DDX27: variants seen among roughly 807,000 people sequenced by gnomAD.
DDX27 encodes the protein probable ATP-dependent RNA helicase DDX27.
DDX27 carries 42 observed loss-of-function variants against 99.3 expected under a neutral mutation model. The observed-to-expected ratio is 0.42, with a 90% confidence interval of 0.33 to 0.55. The LOEUF is 0.55. DDX27 is among the 20% of genes least tolerant of loss of function. DDX27 has a pLI of 0.07. For missense variants in DDX27, 798 were observed against 976.8 expected (o/e 0.82, Z 2.44); for synonymous variants, 329 against 353.8 (o/e 0.93, Z 0.79).
intron 14 of DDX27, chr20:49,238,555 C>T (rs910920974): frequency 1.2e-4 from 22 of 184,116 alleles, no homozygotes; most frequent in Non-Finnish European, 1.8e-4. Flanking sequence ...GCCTCCGCCT[C>T]GTGGGTTCAA....
chr20:49,234,406 G>A (rs2146716171), intron 11 of DDX27: 1 of 152,760 alleles, frequency 6.5e-6, no homozygotes, highest in African/African-American at 2.4e-5. Context: ...TGGGATTACA[G>A]GCACTTGCCA....
intron 16 of DDX27, chr20:49,241,670 T>C: frequency 1.7e-6 from 1 of 604,642 alleles, no homozygotes; most frequent in Non-Finnish European, 3.0e-6. Context: ...GGTTTCACCA[T>C]GTTGGCCATG....
intron 8 of DDX27, 117 bp downstream of exon 8, chr20:49,229,005 T>C: frequency 1.1e-6 from 1 of 880,668 alleles, no homozygotes; most frequent in Non-Finnish European, 1.6e-6. Flanking sequence ...TTTGTGTTGA[T>C]TGAATCCACT....
Position 49,225,147 on chromosome 20 carries a change from A to G in DDX27, c.548A>G (p.Tyr183Cys). The change falls in exon 6 of 21, where the codon TAC (tyrosine) becomes TGC (cysteine). Residue 183 changes from tyrosine to cysteine, a missense_variant. Physicochemically the swap from Tyr to Cys is radical, Grantham distance 194. Around this residue, in one of 2 missense-constraint regions of DDX27, gnomAD observed 245 missense variants for 248.8 expected, o/e 0.98. Coordinates refer to ENST00000618172, the MANE Select transcript of DDX27 (RefSeq NM_017895.8). The stretch of plus-strand genomic sequence containing the variant: ...GGATTTTTTGAAGATGCATCTCAGT[A>G]CGATGAAAACCTCTCGTTCCAGGAC... ...AGGFFEDASQ[Y>C]DENLSFQDMN... The G allele has an allele frequency of 6.2e-7, 1 of 1,614,106 alleles. No homozygotes were observed. The highest frequency in any genetic ancestry group is 8.5e-7 in the Non-Finnish European group (1 of 1,179,986).
chr20:49,231,324 C>T (rs1392703274), intron 9 of DDX27, among the ~76,000 whole-genome samples: 1 of 152,142 alleles, frequency 6.6e-6, no homozygotes, highest in Non-Finnish European at 1.5e-5. Flanking sequence ...ATAGCAGGCG[C>T]TCAGTAAATA....
intron 12 of DDX27, 26 bp downstream of exon 12, chr20:49,235,114 CT>C: frequency 6.4e-7 from 1 of 1,564,924 alleles, no homozygotes; most frequent in Non-Finnish European, 8.7e-7. Flanking sequence ...GGGACTGAGG[CT>C]CCCACCATCC....
At chr20:49,228,078 A>G (rs1218519060) in intron 7 of DDX27, among the ~76,000 whole-genome samples, 1 of 147,734 alleles carries the variant, frequency 6.8e-6, no homozygotes, top group Non-Finnish European at 1.5e-5. Flanking sequence ...TGACCTCATG[A>G]TCCACCTGCC....
intron 1 of DDX27, among the ~76,000 whole-genome samples, chr20:49,219,828 A>G (rs1481622531): frequency 6.6e-6 from 1 of 151,632 alleles, no homozygotes; most frequent in Admixed American, 6.6e-5. Flanking sequence ...GGTTTCTTAC[A>G]CCTTGTAAGA....
At chr20:49,225,694 AT>A (rs1422788626) in intron 6 of DDX27, among the ~76,000 whole-genome samples, 1 of 151,876 alleles carries the variant, frequency 6.6e-6, no homozygotes, top group Admixed American at 6.6e-5. Flanking sequence ...TGACCTCGTG[AT>A]CCGCCCGCCT....
At chr20:49,223,913 C>G (rs1281645303) in intron 4 of DDX27, among the ~76,000 whole-genome samples, 1 of 152,082 alleles carries the variant, frequency 6.6e-6, no homozygotes, top group Non-Finnish European at 1.5e-5. Context: ...TGGTCTCACT[C>G]CATCCACAGG....
At chr20:49,231,846 G>T (rs1253548835) in intron 9 of DDX27, among the ~76,000 whole-genome samples, 1 of 151,560 alleles carries the variant, frequency 6.6e-6, no homozygotes, top group South Asian at 2.1e-4. Flanking sequence ...ATAATTATAC[G>T]AATCCAGACT....
Position 49,221,490 on chromosome 20 carries a change from G to C in DDX27, c.132G>C (p.Gly44=). The C allele has an allele frequency of 6.2e-7, 1 of 1,613,724 alleles. No individual in the cohort carries two copies. The highest frequency in any genetic ancestry group is 8.5e-7 in the Non-Finnish European group (1 of 1,179,998). ...IVLGRRQKAL[G]KNRSADFNPD... is the part of the protein sequence containing the mutation. ...TGGGCAGACGACAAAAAGCTTTGGG[G>C]AAGAACCGCAGTGCTGATTTCAACC... is the stretch of plus-strand genomic sequence containing the variant. The change falls in exon 2 of 21, where the codon GGG becomes GGC. Residue 44 remains glycine (G), a synonymous_variant. Transcript: ENST00000618172.
intron 4 of DDX27, chr20:49,224,681 A>G: frequency 4.8e-6 from 2 of 415,456 alleles, no homozygotes; most frequent in Non-Finnish European, 8.6e-6. Context: ...TATTTCTTGC[A>G]GAAATGTGTG....
intron 6 of DDX27, among the ~76,000 whole-genome samples, chr20:49,225,740 C>T (rs928084366): frequency 6.6e-6 from 1 of 152,232 alleles, no homozygotes; most frequent in Non-Finnish European, 1.5e-5. Flanking sequence ...CAGGCGTGAG[C>T]CACCGCGCCC....
intron 7 of DDX27, 74 bp downstream of exon 7, chr20:49,226,609 A>T (rs6067024): frequency 0.37 from 369,987 of 1,006,198 alleles, 70,767 homozygotes; most frequent in Middle Eastern, 0.4. Flanking sequence ...GACTTACCAA[A>T]GGCTGGTTTG....
chr20:49,227,367 G>T (rs936316762), intron 7 of DDX27, among the ~76,000 whole-genome samples: 1 of 151,946 alleles, frequency 6.6e-6, no homozygotes, highest in Admixed American at 6.6e-5. Context: ...GTTTACTGAA[G>T]GATTAATTTT....
At chr20:49,230,402 C>G in intron 9 of DDX27, 53 bp downstream of exon 9, 1 of 1,562,062 alleles carries the variant, frequency 6.4e-7, no homozygotes, top group Non-Finnish European at 8.6e-7. Context: ...AGGCCCAGAA[C>G]CTGGATGTGG....
In DDX27 at chr20:49,230,289, A is replaced by G; in HGVS notation, c.971A>G (p.His324Arg). 1 of 1,612,800 alleles carries G rather than the reference A, an allele frequency of 6.2e-7. No individual in the cohort carries two copies. The highest frequency in any genetic ancestry group is 8.5e-7 in the Non-Finnish European group (1 of 1,179,982). ...CCAGGCCGGCTCATCGATCACCTCC[A>G]CAACTGCCCTTCCTTCCACCTGAGC... ...ATPGRLIDHL[H>R]NCPSFHLSSI... The change falls in exon 9 of 21, where the codon CAC (histidine) becomes CGC (arginine). Residue 324 changes from histidine to arginine, a missense_variant. Coordinates refer to ENST00000618172, the MANE Select transcript of DDX27 (RefSeq NM_017895.8).
chr20:49,239,447 C>T (rs997597514), intron 16 of DDX27, 109 bp downstream of exon 16: 6 of 742,292 alleles, frequency 8.1e-6, no homozygotes, highest in African/African-American at 1.8e-5. Context: ...AACCTTTCGG[C>T]ACCAAGGACC....
Sources: allele counts gnomAD v4.1 joint callset (sites outside exome capture counted in the v4.1 genomes callset), GRCh38; gene constraint gnomAD v4.1.1; regional missense constraint gnomAD v4.1.1; transcripts MANE v1.5; gene names NCBI Gene and HGNC (gene_info 2026-07-23, HGNC 2026-07-21).